Variants in PIEZO2 observed in about 807,000 individuals in gnomAD.
PIEZO2 encodes the protein piezo type mechanosensitive ion channel component 2, also known as piezo-type mechanosensitive ion channel component 2.
A neutral mutation model predicts 337.3 loss-of-function variants in PIEZO2; 172 were observed. The observed-to-expected ratio is 0.51, with a 90% confidence interval of 0.45 to 0.58. PIEZO2 has a LOEUF of 0.58. Among genes scored for constraint, PIEZO2 ranks in the 20% least tolerant of loss-of-function variants. The pLI, the probability that PIEZO2 is intolerant of heterozygous loss-of-function variation, is 0.00. For synonymous variants in PIEZO2, 1,251 were observed against 1,228.5 expected, an observed-to-expected ratio of 1.02 and a Z score of -0.38; for missense variants, 3,028 against 3,391.3, an observed-to-expected ratio of 0.89 and a Z score of 2.66.
Position 10,923,337 on chromosome 18 carries a change from A to T in PIEZO2, c.287-12109T>A, listed in dbSNP as rs182687272. On this transcript the variant is annotated intron_variant, in intron 3 of 55. Transcript: ENST00000674853. ...TAATCAGATAAAAATCTCTAGGCAAATTACTTCCTAAGTGACAAATCACTA... is the reference window on the plus strand; with the variant it reads ...TAATCAGATAAAAATCTCTAGGCAATTTACTTCCTAAGTGACAAATCACTA... Among the ~76,000 whole-genome samples, 120 of 152,312 alleles carry T rather than the reference A, an allele frequency of 7.9e-4. 2 individuals are homozygous for T. Among genetic ancestry groups the T allele is most frequent in the Non-Finnish European group, 1.6e-3 (107 of 68,030 alleles).
In PIEZO2 at chr18:10,848,512, A is replaced by G. The variant is rs530650135; in HGVS notation, c.917+6841T>C. On this transcript the variant is annotated intron_variant, in intron 7 of 55. Transcript: ENST00000674853. ...ATGATAAAAAAGGGTAACAGGACAAATCATTGTACATTTATTTAAGAGAGA... is the reference window on the plus strand; with the variant it reads ...ATGATAAAAAAGGGTAACAGGACAAGTCATTGTACATTTATTTAAGAGAGA... Among the ~76,000 whole-genome samples, 3 of 152,326 alleles carry G rather than the reference A, an allele frequency of 2.0e-5. No individual in the cohort carries two copies. In the East Asian group the frequency reaches 5.8e-4, roughly 29 times the overall value.
intron 4 of PIEZO2, among the ~76,000 whole-genome samples, chr18:10,891,867 A>T (rs2042767126): frequency 6.6e-6 from 1 of 152,158 alleles, no homozygotes; most frequent in African/African-American, 2.4e-5. Context: ...TGAAAATATA[A>T]ATTTGTAAAG....
intron 1 of PIEZO2, among the ~76,000 whole-genome samples, chr18:11,120,551 AAAAC>A (rs1274607369): frequency 8.5e-5 from 13 of 152,236 alleles, no homozygotes; most frequent in African/African-American, 3.1e-4. Context: ...TCGAAGCAGG[AAAAC>A]AAACAAATGA....
intron 4 of PIEZO2, among the ~76,000 whole-genome samples, chr18:10,891,696 A>G (rs557312651): frequency 3.8e-4 from 58 of 152,336 alleles, no homozygotes; most frequent in African/African-American, 1.2e-3. Flanking sequence ...CAGGTGAGGG[A>G]TCTCAAAGGC....
chr18:10,967,018 G>GTTT (rs1281379698), intron 3 of PIEZO2, among the ~76,000 whole-genome samples: 4 of 122,852 alleles, frequency 3.3e-5, no homozygotes, highest in East Asian at 2.3e-4. Context: ...TCTGTTTTTT[G>GTTT]TTTTTTTTTT....
At chr18:10,925,436 A>G (rs1220879325) in intron 3 of PIEZO2, among the ~76,000 whole-genome samples, 1 of 152,208 alleles carries the variant, frequency 6.6e-6, no homozygotes, top group African/African-American at 2.4e-5. Flanking sequence ...AATGGACAGT[A>G]GGATACGGCA....
At chr18:10,735,773 G>C (rs2036971511) in intron 34 of PIEZO2, among the ~76,000 whole-genome samples, 2 of 152,132 alleles carry the variant, frequency 1.3e-5, no homozygotes, top group Non-Finnish European at 2.9e-5. Context: ...AACAAGCATG[G>C]ATGGGCCCCA....
intron 3 of PIEZO2, among the ~76,000 whole-genome samples, chr18:10,967,011 GTTTTTTGTTTTTT>G (rs1232968501): frequency 1.9e-4 from 21 of 109,390 alleles, no homozygotes; most frequent in African/African-American, 7.2e-4. Flanking sequence ...CATTTTCTCT[GTTTTTTGTTTTTT>G]TTTTTTTTTT....
chr18:11,051,454 A>G (rs2037534439), intron 2 of PIEZO2, among the ~76,000 whole-genome samples: 1 of 152,052 alleles, frequency 6.6e-6, no homozygotes, highest in East Asian at 1.9e-4. Context: ...GTCTGGCTGT[A>G]GGACAACGGC....
intron 5 of PIEZO2, among the ~76,000 whole-genome samples, chr18:10,865,677 A>G (rs922901502): frequency 1.3e-5 from 2 of 152,194 alleles, no homozygotes; most frequent in African/African-American, 4.8e-5. Context: ...TCAAAGCAAT[A>G]TGGGGAACCT....
rs2038671877 is a variant in PIEZO2, at chr18:10,773,385, A to G, written c.2785+27T>C. ...TCAGTCTGACAGCCAGCGTTCTCTG[A>G]CCAGCTGCTGGTAGTGGGCTGATTA... is the stretch of plus-strand genomic sequence containing the variant. On this transcript the variant is annotated intron_variant, in intron 20 of 55. Coordinates refer to ENST00000674853, the MANE Select transcript of PIEZO2 (RefSeq NM_001378183.1). This position sits in a 1 kb window ranked among gnomAD's most constrained non-coding sequence, Gnocchi z 5.3. 3 of 1,534,144 alleles carry G rather than the reference A, an allele frequency of 2.0e-6. No individual in the cohort carries two copies. Among genetic ancestry groups the G allele is most frequent in the Non-Finnish European group, 2.6e-6 (3 of 1,144,254 alleles).
intron 2 of PIEZO2, among the ~76,000 whole-genome samples, chr18:10,995,093 A>AAGAAAAAAAAAAAG (rs2035270247): frequency 6.8e-6 from 1 of 147,676 alleles, no homozygotes; most frequent in Admixed American, 6.8e-5. Context: ...AAAAAAAAAA[A>AAGAAAAAAAAAAAG]AAAGAAAAGC....
chr18:10,709,230 T>C (rs146230898), intron 39 of PIEZO2: 4 of 152,336 alleles, frequency 2.6e-5, no homozygotes, highest in African/African-American at 9.6e-5. Flanking sequence ...CCTAAAGCCC[T>C]CATCTCCTGG....
At chr18:10,917,202 T>C (rs1439999570) in intron 3 of PIEZO2, among the ~76,000 whole-genome samples, 5 of 152,116 alleles carry the variant, frequency 3.3e-5, no homozygotes, top group Non-Finnish European at 7.4e-5. Flanking sequence ...TTCCTCTAAT[T>C]TTTTTCTGTA....
rs544330216 is a variant in PIEZO2, at chr18:10,808,884, G to T, written c.918-1610C>A. The stretch of plus-strand genomic sequence containing the variant: ...AATCTAAGTGACAGCTCTTCCAGCC[G>T]CTGAGTCCTTCTCCTTGCTCCACGC... On this transcript the variant is annotated intron_variant, in intron 7 of 55. Transcript: ENST00000674853. 7.2e-5 allele frequency among the ~76,000 whole-genome samples: 11 copies of T among 152,310 alleles called. No homozygotes were observed. The East Asian group carries it at 1.5e-3, about 21-fold the overall frequency.
In PIEZO2 at chr18:11,102,138, C is replaced by A. The variant is rs1013997379; in HGVS notation, c.65-35916G>T. ...TAAACTAAGAAACAAAGAGACTGAC[C>A]GTCTACCATGGTCCCTGGTTGAACA... On this transcript the variant is annotated intron_variant, in intron 1 of 55. Coordinates refer to ENST00000674853, the MANE Select transcript of PIEZO2 (RefSeq NM_001378183.1). This position sits in a 1 kb window ranked among gnomAD's most constrained non-coding sequence, Gnocchi z 5.7. 1.3e-5 allele frequency among the ~76,000 whole-genome samples: 2 copies of A among 152,104 alleles called. No individual in the cohort carries two copies. The highest frequency in any genetic ancestry group is 4.8e-5 in the African/African-American group (2 of 41,392).
intron 3 of PIEZO2, among the ~76,000 whole-genome samples, chr18:10,936,358 G>A (rs2032393816): frequency 6.6e-6 from 1 of 152,106 alleles, no homozygotes; most frequent in Admixed American, 6.6e-5. Flanking sequence ...GCTTGTCTTG[G>A]AATGTCTCCT....
intron 4 of PIEZO2, among the ~76,000 whole-genome samples, chr18:10,900,784 T>C (rs1317945536): frequency 6.6e-6 from 1 of 152,158 alleles, no homozygotes; most frequent in Non-Finnish European, 1.5e-5. Flanking sequence ...AAAATAGACG[T>C]GCTCCTACTT....
chr18:10,735,081 A>G (rs919891272), intron 35 of PIEZO2, among the ~76,000 whole-genome samples, 151 bp downstream of exon 35: 2 of 152,200 alleles, frequency 1.3e-5, no homozygotes, highest in Admixed American at 6.5e-5. Context: ...TGTTTTGGAA[A>G]ACTTTTTCTA....
Sources: gnomAD v4.1 joint callset for allele counts (sites outside exome capture counted in the v4.1 genomes callset) on GRCh38, gnomAD v4.1.1 for gene constraint, Gnocchi (gnomAD v3.1) non-coding constraint, MANE v1.5 for transcripts, NCBI Gene and HGNC (gene_info 2026-07-23, HGNC 2026-07-21) for gene names.